The following PLCB1 variants were observed in gnomAD, a reference collection of about 807,000 sequenced individuals.
PLCB1 encodes phospholipase C beta 1, also known as 1-phosphatidylinositol 4,5-bisphosphate phosphodiesterase beta-1.
Under a neutral mutation model 161.8 loss-of-function variants are expected in PLCB1, and 46 were observed. The observed-to-expected ratio is 0.28, with a 90% CI of 0.22 to 0.36. The LOEUF (loss-of-function observed/expected upper bound fraction) is 0.36. Among genes scored for constraint, PLCB1 ranks in the 10% least tolerant of loss-of-function variants. PLCB1 has a pLI of 1.00. For synonymous variants in PLCB1, 517 were observed against 503.7 expected (o/e 1.03, Z -0.35); for missense variants, 1,016 against 1,472.5 (o/e 0.69, Z 5.07).
At chr20:8,573,093 G>A (rs1014612417) in intron 3 of PLCB1, among the ~76,000 whole-genome samples, 8 of 152,082 alleles carry the variant, frequency 5.3e-5, no homozygotes, top group African/African-American at 1.9e-4. Context: ...AAAAGTAGGA[G>A]GATAGCAGGA....
intron 31 of PLCB1, among the ~76,000 whole-genome samples, chr20:8,793,537 C>T (rs1295171023): frequency 1.2e-5 from 1 of 85,846 alleles, no homozygotes; most frequent in African/African-American, 3.9e-5. Flanking sequence ...TGGTAGGATC[C>T]GTGATGCCCC....
chr20:8,288,014 C>A (rs1983204040), intron 2 of PLCB1, among the ~76,000 whole-genome samples: 1 of 152,180 alleles, frequency 6.6e-6, no homozygotes, highest in Non-Finnish European at 1.5e-5. Flanking sequence ...AAGCACTTGA[C>A]ATGTGCTAAA....
intron 9 of PLCB1, among the ~76,000 whole-genome samples, chr20:8,668,408 G>A (rs1039534303): frequency 6.6e-6 from 1 of 152,134 alleles, no homozygotes. Flanking sequence ...AGAGTTAATT[G>A]AGAATGATGG....
intron 31 of PLCB1, among the ~76,000 whole-genome samples, chr20:8,827,712 G>A (rs1022444215): frequency 6.6e-6 from 1 of 152,160 alleles, no homozygotes; most frequent in African/African-American, 2.4e-5. Context: ...TCAAATCCAG[G>A]CCAGTGCCTC....
chr20:8,832,804 A>G (rs1823462521), intron 31 of PLCB1, among the ~76,000 whole-genome samples: 1 of 152,202 alleles, frequency 6.6e-6, no homozygotes, highest in African/African-American at 2.4e-5. Context: ...TTACTTATTA[A>G]TTTGAATTAG....
At chr20:8,554,692 C>G (rs1985891454) in intron 3 of PLCB1, among the ~76,000 whole-genome samples, 1 of 152,060 alleles carries the variant, frequency 6.6e-6, no homozygotes. Context: ...GTCATATACA[C>G]TTGCCAAATT....
intron 2 of PLCB1, among the ~76,000 whole-genome samples, chr20:8,250,182 G>A (rs773229570): frequency 6.6e-6 from 1 of 151,858 alleles, no homozygotes; most frequent in Non-Finnish European, 1.5e-5. Flanking sequence ...TATCTGATGG[G>A]CGCCATCCCA....
chr20:8,247,021 A>G (rs1443830844), intron 2 of PLCB1, among the ~76,000 whole-genome samples: 2 of 151,936 alleles, frequency 1.3e-5, no homozygotes, highest in African/African-American at 4.8e-5. Flanking sequence ...AAGGTATCAA[A>G]ACTAATTCTT....
chr20:8,391,196 A>T (rs542353630), intron 3 of PLCB1, among the ~76,000 whole-genome samples: 174 of 151,346 alleles, frequency 1.1e-3, no homozygotes, highest in Non-Finnish European at 1.8e-3. Context: ...TAAGAGATTT[A>T]TACTTTTGTA....
At chr20:8,229,878 TAAAA>T (rs1979914648) in intron 2 of PLCB1, among the ~76,000 whole-genome samples, 1 of 144,334 alleles carries the variant, frequency 6.9e-6, no homozygotes, top group Admixed American at 6.9e-5. Flanking sequence ...TAAAATAAAA[TAAAA>T]TAAAAATAAA....
In PLCB1 at chr20:8,708,859, A is replaced by G. The variant is rs1469885002; in HGVS notation, c.1250+107A>G. ...TTGACATGATTAATGGTGTTCTTCAATCATGTTGTATATTAACTGGCATGT... is the reference window on the plus strand; with the variant it reads ...TTGACATGATTAATGGTGTTCTTCAGTCATGTTGTATATTAACTGGCATGT... On this transcript the variant is annotated intron_variant, in intron 12 of 31. Coordinates refer to ENST00000338037, the MANE Select transcript of PLCB1 (RefSeq NM_015192.4). 4 of 666,986 alleles carry G rather than the reference A, an allele frequency of 6.0e-6. No homozygotes were observed. The East Asian group carries it at 8.4e-5, about 14-fold the overall frequency. 41.3% of individuals were successfully genotyped at this position (666,986 alleles called of 1,614,324 possible).
At chr20:8,512,624 G>A (rs1026900810) in intron 3 of PLCB1, among the ~76,000 whole-genome samples, 28 of 151,860 alleles carry the variant, frequency 1.8e-4, no homozygotes, top group African/African-American at 5.1e-4. Context: ...GGGGTGCAAT[G>A]TATACATATA....
At chr20:8,722,847 C>T (rs1979723903) in intron 15 of PLCB1, among the ~76,000 whole-genome samples, 1 of 151,982 alleles carries the variant, frequency 6.6e-6, no homozygotes, top group Non-Finnish European at 1.5e-5. Context: ...TTTAAAAAAA[C>T]AAGTTAAAAT....
intron 23 of PLCB1, among the ~76,000 whole-genome samples, chr20:8,744,175 A>G (rs1981028304): frequency 6.6e-6 from 1 of 152,216 alleles, no homozygotes; most frequent in Non-Finnish European, 1.5e-5. Flanking sequence ...AAAGCTAAAA[A>G]AAAAAGAAAA....
At chr20:8,744,141 A>G (rs1235671616) in intron 23 of PLCB1, among the ~76,000 whole-genome samples, 1 of 152,078 alleles carries the variant, frequency 6.6e-6, no homozygotes, top group Non-Finnish European at 1.5e-5. Flanking sequence ...ACAAACCCTC[A>G]TGTGTACCCC....
intron 31 of PLCB1, among the ~76,000 whole-genome samples, chr20:8,844,108 AAC>A (rs1986605187): frequency 6.6e-6 from 1 of 152,244 alleles, no homozygotes; most frequent in African/African-American, 2.4e-5. Flanking sequence ...ACATATTTCA[AAC>A]AGTCTTCTTC....
chr20:8,879,978 A>G (rs1987914218), intron 31 of PLCB1, among the ~76,000 whole-genome samples: 1 of 152,070 alleles, frequency 6.6e-6, no homozygotes, highest in Non-Finnish European at 1.5e-5. Flanking sequence ...CAGATTAACC[A>G]CCTTGGCATC....
intron 3 of PLCB1, among the ~76,000 whole-genome samples, chr20:8,495,279 T>G (rs1460816251): frequency 6.6e-6 from 1 of 151,766 alleles, no homozygotes; most frequent in Non-Finnish European, 1.5e-5. Context: ...TAAGGCAAGA[T>G]CACATAGCCA....
intron 23 of PLCB1, chr20:8,751,089 C>A (rs1031918873): frequency 1.4e-5 from 3 of 210,550 alleles, no homozygotes; most frequent in African/African-American, 7.2e-5. Context: ...GCGCCCACCA[C>A]CAAGCCCGGC....
Sources: gnomAD v4.1 joint callset for allele counts (sites outside exome capture counted in the v4.1 genomes callset) on GRCh38, gnomAD v4.1.1 for gene constraint, MANE v1.5 for transcripts, NCBI Gene and HGNC (gene_info 2026-07-23, HGNC 2026-07-21) for gene names.